ROBO2: variants seen among roughly 807,000 people sequenced by gnomAD.
ROBO2 encodes the protein roundabout homolog 2.
ROBO2 carries 53 observed loss-of-function variants against 160.8 expected under a neutral mutation model. That is an observed-to-expected ratio of 0.33 (90% CI 0.26 to 0.41). The LOEUF (loss-of-function observed/expected upper bound fraction) is 0.41. Ranked by LOEUF, ROBO2 falls within the 10% of genes least tolerant of loss-of-function variation. The probability of loss-of-function intolerance (pLI) is 1.00; values close to 1 mark genes in which losing one functional copy is unlikely to be tolerated. For synonymous variants in ROBO2, 664 were observed against 611.7 expected (o/e 1.09, Z -1.26); for missense variants, 1,577 against 1,722.4 (o/e 0.92, Z 1.49).
At chr3:76,713,879 A>G (rs2093339163) in intron 2 of ROBO2, among the ~76,000 whole-genome samples, 1 of 152,130 alleles carries the variant, frequency 6.6e-6, no homozygotes, top group African/African-American at 2.4e-5. Flanking sequence ...ACATGAAGGA[A>G]AAAAACATGC....
chr3:76,020,959 C>T (rs2066557931), intron 2 of ROBO2, among the ~76,000 whole-genome samples: 1 of 151,764 alleles, frequency 6.6e-6, no homozygotes, highest in Non-Finnish European at 1.5e-5. Flanking sequence ...TTCCTATATA[C>T]CTTGCACCCA....
At chr3:76,014,489 G>A (rs368911974) in intron 2 of ROBO2, among the ~76,000 whole-genome samples, 52 of 78,172 alleles carry the variant, frequency 6.7e-4, no homozygotes, top group African/African-American at 2.4e-3. Context: ...TGGCTTATGC[G>A]TGTAATCCCA....
intron 2 of ROBO2, among the ~76,000 whole-genome samples, chr3:77,440,951 T>C (rs2079857745): frequency 6.6e-6 from 1 of 152,118 alleles, no homozygotes; most frequent in African/African-American, 2.4e-5. Context: ...TTTTCTCCCA[T>C]GCCTCCCCAT....
chr3:76,103,842 T>G (rs1321101879), intron 2 of ROBO2, among the ~76,000 whole-genome samples: 2 of 152,224 alleles, frequency 1.3e-5, no homozygotes, highest in African/African-American at 4.8e-5. Flanking sequence ...ATTTTGAAGA[T>G]GACTCCTGGT....
chr3:76,768,525 G>C (rs535463451), intron 2 of ROBO2, among the ~76,000 whole-genome samples: 123 of 151,400 alleles, frequency 8.1e-4, no homozygotes, highest in Non-Finnish European at 1.5e-3. Flanking sequence ...AGCACGTTTT[G>C]TTGGTAATTG....
chr3:77,398,869 G>T (rs993356753), intron 2 of ROBO2, among the ~76,000 whole-genome samples: 1 of 152,092 alleles, frequency 6.6e-6, no homozygotes, highest in Non-Finnish European at 1.5e-5. Context: ...ACAGGCATGA[G>T]CTACCATGCC....
chr3:76,577,347 A>G (rs2085374142), intron 2 of ROBO2, among the ~76,000 whole-genome samples: 1 of 152,018 alleles, frequency 6.6e-6, no homozygotes, highest in Non-Finnish European at 1.5e-5. Context: ...ATAAATTGGG[A>G]AACATAATTA....
chr3:77,508,639 C>T (rs958220861), intron 5 of ROBO2, among the ~76,000 whole-genome samples: 2 of 151,520 alleles, frequency 1.3e-5, no homozygotes, highest in Non-Finnish European at 2.9e-5. Context: ...TAATGACAAA[C>T]AATAATGACC....
intron 5 of ROBO2, 120 bp downstream of exon 5, chr3:77,493,502 A>AT (rs2086400226): frequency 9.4e-7 from 1 of 1,065,188 alleles, no homozygotes; most frequent in East Asian, 2.6e-5. Flanking sequence ...CACTCATGTG[A>AT]TTTTTACATA....
At chr3:77,619,583 C>A (rs952873823) in intron 22 of ROBO2, among the ~76,000 whole-genome samples, 3 of 152,158 alleles carry the variant, frequency 2.0e-5, no homozygotes, top group Admixed American at 6.5e-5. Flanking sequence ...GATGGGCACA[C>A]CTTCCTTGAG....
At chr3:76,418,062 TG>T (rs1366336118) in intron 2 of ROBO2, among the ~76,000 whole-genome samples, 1 of 151,898 alleles carries the variant, frequency 6.6e-6, no homozygotes, top group Non-Finnish European at 1.5e-5. Flanking sequence ...TTGCTTAAAT[TG>T]TAAACAGGCA....
intron 2 of ROBO2, among the ~76,000 whole-genome samples, chr3:76,039,709 A>C (rs2067223691): frequency 6.6e-6 from 1 of 152,038 alleles, no homozygotes; most frequent in Non-Finnish European, 1.5e-5. Flanking sequence ...AATAATAAGC[A>C]TAGATATTTG....
intron 2 of ROBO2, among the ~76,000 whole-genome samples, chr3:76,333,703 T>C (rs2073664339): frequency 6.6e-6 from 1 of 152,038 alleles, no homozygotes; most frequent in Non-Finnish European, 1.5e-5. Flanking sequence ...CCTAGCTTCA[T>C]AGTATTCCAT....
intron 2 of ROBO2, among the ~76,000 whole-genome samples, chr3:76,654,938 T>TATATAA (rs1298681501): frequency 2.7e-5 from 4 of 148,328 alleles, no homozygotes; most frequent in African/African-American, 4.9e-5. Context: ...TTTATATATA[T>TATATAA]AAATTTAAAG....
At chr3:76,221,897 A>T (rs189955702) in intron 2 of ROBO2, among the ~76,000 whole-genome samples, 1 of 152,252 alleles carries the variant, frequency 6.6e-6, no homozygotes. Flanking sequence ...CCATAACCTG[A>T]GAAGGGTCTA....
chr3:76,792,386 G>C (rs1274950313), intron 2 of ROBO2, among the ~76,000 whole-genome samples: 1 of 151,648 alleles, frequency 6.6e-6, no homozygotes. Flanking sequence ...GGGGTCCTGG[G>C]ACCCATCCCC....
intron 2 of ROBO2, among the ~76,000 whole-genome samples, chr3:76,190,886 T>G (rs1701975622): frequency 6.6e-6 from 1 of 152,140 alleles, no homozygotes; most frequent in Admixed American, 6.6e-5. Context: ...GTAGTTAATT[T>G]ATTAGTTCGT....
chr3:77,307,184 A>G (rs976914187), intron 2 of ROBO2, among the ~76,000 whole-genome samples: 4 of 152,200 alleles, frequency 2.6e-5, no homozygotes, highest in Non-Finnish European at 5.9e-5. Flanking sequence ...GGCCTCGTTA[A>G]TTTATGTTGA....
chr3:76,972,605 C>G (rs2059625046), intron 2 of ROBO2, among the ~76,000 whole-genome samples: 2 of 151,972 alleles, frequency 1.3e-5, no homozygotes, highest in Admixed American at 1.3e-4. Context: ...GACCTGTAAT[C>G]CCAGTGCTTT....
Sources: gnomAD v4.1 joint callset for allele counts (sites outside exome capture counted in the v4.1 genomes callset) on GRCh38, gnomAD v4.1.1 for gene constraint, MANE v1.5 for transcripts, NCBI Gene and HGNC (gene_info 2026-07-23, HGNC 2026-07-21) for gene names.